The following TBC1D1 variants were observed in gnomAD, a reference collection of about 807,000 sequenced individuals.
TBC1D1 encodes the protein TBC1 domain family member 1.
Under a neutral mutation model 125.6 loss-of-function variants are expected in TBC1D1, and 89 were observed. The observed-to-expected ratio is 0.71, with a 90% CI of 0.60 to 0.85. The LOEUF (loss-of-function observed/expected upper bound fraction) is 0.85. TBC1D1 is among the 40% of genes least tolerant of loss of function. The probability of loss-of-function intolerance (pLI) is 0.00; values close to 1 mark genes in which losing one functional copy is unlikely to be tolerated. For synonymous variants in TBC1D1, 565 were observed against 564.1 expected, an observed-to-expected ratio of 1.00 and a Z score of -0.02; for missense variants, 1,377 against 1,469.2, an observed-to-expected ratio of 0.94 and a Z score of 1.03.
intron 2 of TBC1D1, among the ~76,000 whole-genome samples, chr4:37,938,891 T>C (rs1470908793): frequency 1.3e-5 from 2 of 152,240 alleles, no homozygotes; most frequent in Admixed American, 1.3e-4. Context: ...TTCCATGGTG[T>C]ATATGGGCCA....
At position 37,945,167 on chromosome 4, in the gene TBC1D1, G is replaced by A. The variant is rs1453568241; in HGVS notation, c.417+42655G>A. 3.9e-5 allele frequency among the ~76,000 whole-genome samples: 6 copies of A among 151,978 alleles called. No individual in the cohort carries two copies. The East Asian group carries it at 7.7e-4, about 20-fold the overall frequency. On this transcript the variant is annotated intron_variant, in intron 2 of 19. Transcript: ENST00000261439. ...TGTTACAGGGCTGACCCAAATCATCGCTCTTGGTCCAAGTATAAGGTCTCA... is the reference window on the plus strand; with the variant it reads ...TGTTACAGGGCTGACCCAAATCATCACTCTTGGTCCAAGTATAAGGTCTCA...
At chr4:37,970,126 C>T (rs1322708812) in intron 2 of TBC1D1, among the ~76,000 whole-genome samples, 2 of 152,068 alleles carry the variant, frequency 1.3e-5, no homozygotes, top group African/African-American at 4.8e-5. Context: ...GTGGATATAC[C>T]ATATCTTGTT....
chr4:38,126,525 A>G (rs1244375944), intron 18 of TBC1D1, among the ~76,000 whole-genome samples: 1 of 151,984 alleles, frequency 6.6e-6, no homozygotes, highest in East Asian at 1.9e-4. Flanking sequence ...AAGAGGTTTC[A>G]TACCAGTTGT....
chr4:38,062,051 G>T (rs1752865360), intron 12 of TBC1D1, among the ~76,000 whole-genome samples: 1 of 152,124 alleles, frequency 6.6e-6, no homozygotes. Context: ...ATGCCTTCCT[G>T]GCTGTCTCCC....
chr4:37,915,260 A>G (rs1462554281), intron 2 of TBC1D1, among the ~76,000 whole-genome samples: 1 of 152,202 alleles, frequency 6.6e-6, no homozygotes, highest in Non-Finnish European at 1.5e-5. Flanking sequence ...AGCATTCTCC[A>G]GGGAAACAGA....
Position 37,911,576 on chromosome 4 carries a change from C to T in TBC1D1, c.417+9064C>T, listed in dbSNP as rs76598335. Reference sequence around the variant, plus strand: ...CATCCTGCAGGGACCCTTTCCTGGCCGCTTTTATTCTGACCATGCATTGGA... The same window carrying T: ...CATCCTGCAGGGACCCTTTCCTGGCTGCTTTTATTCTGACCATGCATTGGA... On this transcript the variant is annotated intron_variant, in intron 2 of 19. Coordinates refer to ENST00000261439, the MANE Select transcript of TBC1D1 (RefSeq NM_015173.4). Among the ~76,000 whole-genome samples, 549 of 152,174 alleles carry T rather than the reference C, an allele frequency of 3.6e-3. 2 individuals are homozygous for T. The highest frequency in any genetic ancestry group is 0.012 in the African/African-American group (494 of 41,518).
At chr4:38,054,936 T>TGTGGG (rs1751413528) in intron 12 of TBC1D1, 1 of 153,140 alleles carries the variant, frequency 6.5e-6, no homozygotes, top group Non-Finnish European at 1.5e-5. Flanking sequence ...GGGTGTTTAC[T>TGTGGG]GGAGTTGTAG....
chr4:38,121,144 A>G (rs1763779766), intron 17 of TBC1D1, among the ~76,000 whole-genome samples: 1 of 152,216 alleles, frequency 6.6e-6, no homozygotes. Context: ...GTTGTTCTGC[A>G]CAGCACTGTC....
chr4:37,996,583 A>G (rs928673526), intron 2 of TBC1D1, among the ~76,000 whole-genome samples: 3 of 152,236 alleles, frequency 2.0e-5, no homozygotes, highest in Non-Finnish European at 4.4e-5. Context: ...AACACATGTG[A>G]TAAGTTTTAC....
At chr4:37,978,983 T>G (rs147894427) in intron 2 of TBC1D1, among the ~76,000 whole-genome samples, 2,313 of 152,278 alleles carry the variant, frequency 0.015, 61 homozygotes, top group African/African-American at 0.052. Flanking sequence ...TTCAAGCGAT[T>G]CTTGTGTCTC....
At chr4:38,132,250 G>A (rs925211873) in intron 18 of TBC1D1, among the ~76,000 whole-genome samples, 7 of 151,254 alleles carry the variant, frequency 4.6e-5, no homozygotes, top group Non-Finnish European at 8.8e-5. Flanking sequence ...TCAGATAAAC[G>A]TTAGGGCTTC....
intron 8 of TBC1D1, among the ~76,000 whole-genome samples, chr4:38,038,576 A>C (rs1375964779): frequency 6.6e-6 from 1 of 152,130 alleles, no homozygotes. Flanking sequence ...AGGTTATGCA[A>C]ATCTTAAGTG....
At position 37,954,889 on chromosome 4, in the gene TBC1D1, C is replaced by T. The variant is rs77229583; in HGVS notation, c.417+52377C>T. ...GGATTTTTTTTTTTTTTGAAACAGT[C>T]TTTTTTTTTTTTTTTGAGACGGAGT... On this transcript the variant is annotated intron_variant, in intron 2 of 19. Coordinates refer to ENST00000261439, the MANE Select transcript of TBC1D1 (RefSeq NM_015173.4). 6.5e-4 allele frequency among the ~76,000 whole-genome samples: 71 copies of T among 109,386 alleles called. 1 individual carries two copies. Among genetic ancestry groups the T allele is most frequent in the Middle Eastern group, 6.6e-3 (1 of 152 alleles). The allele number at this position is 109,386 out of a possible 152,430, so 71.8% of individuals were successfully genotyped here. A position where few individuals can be genotyped will look rare whatever the true frequency, so the allele number is the denominator to read the frequency against.
At chr4:38,063,076 T>G (rs1753065339) in intron 12 of TBC1D1, among the ~76,000 whole-genome samples, 1 of 152,210 alleles carries the variant, frequency 6.6e-6, no homozygotes, top group Non-Finnish European at 1.5e-5. Context: ...AAGTGAGTGA[T>G]CTTGATCTGT....
intron 12 of TBC1D1, among the ~76,000 whole-genome samples, chr4:38,084,660 C>G (rs1757167270): frequency 6.6e-6 from 1 of 152,048 alleles, no homozygotes; most frequent in South Asian, 2.1e-4. Context: ...TCAATTTTCT[C>G]CTTTCCAGAA....
At chr4:37,956,679 GCTCACAC>G (rs1336038981) in intron 2 of TBC1D1, among the ~76,000 whole-genome samples, 1 of 152,094 alleles carries the variant, frequency 6.6e-6, no homozygotes, top group Non-Finnish European at 1.5e-5. Flanking sequence ...GGGCACAGTG[GCTCACAC>G]CTCTAATCCC....
In TBC1D1 at chr4:38,118,090, C is replaced by G; in HGVS notation, c.2860C>G (p.His954Asp). Reference sequence around the variant, plus strand: ...TGATTACCACAGAGACCTCTACAATCACCTGGAGGAGCACGAGATCGGCCC... The same window carrying G: ...TGATTACCACAGAGACCTCTACAATGACCTGGAGGAGCACGAGATCGGCCC... The change falls in exon 17 of 20, where the codon CAC becomes GAC. Residue 954 changes from histidine (H) to aspartate (D), a missense_variant. Physicochemically the swap from His to Asp is moderately conservative, Grantham distance 81. Transcript: ENST00000261439. 6.2e-7 allele frequency: 1 copy of G among 1,614,218 alleles called. No homozygotes were observed. The highest frequency in any genetic ancestry group is 2.2e-5 in the East Asian group (1 of 44,886).
At chr4:38,128,456 A>G (rs1467501907) in intron 18 of TBC1D1, among the ~76,000 whole-genome samples, 1 of 152,142 alleles carries the variant, frequency 6.6e-6, no homozygotes, top group Non-Finnish European at 1.5e-5. Flanking sequence ...TCTTCAGAGT[A>G]GATGTAATGG....
At chr4:38,075,244 A>G (rs567941289) in intron 12 of TBC1D1, among the ~76,000 whole-genome samples, 1 of 152,360 alleles carries the variant, frequency 6.6e-6, no homozygotes, top group African/African-American at 2.4e-5. Context: ...TTGTAAATTT[A>G]TGTCAGTGTA....
Sources: gnomAD v4.1 joint callset for allele counts (sites outside exome capture counted in the v4.1 genomes callset) on GRCh38, gnomAD v4.1.1 for gene constraint, MANE v1.5 for transcripts, NCBI Gene and HGNC (gene_info 2026-07-23, HGNC 2026-07-21) for gene names.